The following GRID1 variants were observed in gnomAD, a reference collection of about 807,000 sequenced individuals.
GRID1 encodes the protein glutamate receptor ionotropic, delta-1.
GRID1 carries 28 observed loss-of-function variants against 98.0 expected under a neutral mutation model. The observed-to-expected ratio is 0.29, with a 90% CI of 0.21 to 0.39. The LOEUF (loss-of-function observed/expected upper bound fraction) is 0.39. Ranked by LOEUF, GRID1 falls within the 10% of genes least tolerant of loss-of-function variation. GRID1 has a pLI of 1.00. For missense variants in GRID1, 1,111 were observed against 1,340.5 expected (o/e 0.83, Z 2.67); for synonymous variants, 553 against 538.5 (o/e 1.03, Z -0.37).
intron 4 of GRID1, among the ~76,000 whole-genome samples, chr10:86,075,032 G>A (rs1344562401): frequency 2.0e-5 from 3 of 151,532 alleles, no homozygotes; most frequent in Non-Finnish European, 2.9e-5. Context: ...CAAAAGGAAC[G>A]AGCAAGCTTC....
intron 2 of GRID1, among the ~76,000 whole-genome samples, chr10:86,320,824 G>A (rs1247036905): frequency 2.0e-5 from 3 of 152,138 alleles, no homozygotes; most frequent in Non-Finnish European, 2.9e-5. Context: ...AGAGAGCCGG[G>A]CGCGGTGGCT....
chr10:86,111,695 A>C (rs1372530482), intron 4 of GRID1, among the ~76,000 whole-genome samples: 2 of 152,164 alleles, frequency 1.3e-5, no homozygotes. Context: ...GTTCACATGA[A>C]AGAGGATGAG....
chr10:85,942,330 A>G lies in GRID1; in HGVS notation c.727-26091T>C, dbSNP rs1042768420. On this transcript the variant is annotated intron_variant, in intron 4 of 15. Transcript: ENST00000327946. ...AATTTCTAATCTTCTGATGCTGCCT[A>G]TACCTGGTTCAGAGGATGTTGGTGG... 7.2e-5 allele frequency among the ~76,000 whole-genome samples: 11 copies of G among 152,240 alleles called. No individual in the cohort carries two copies. The South Asian group carries it at 1.0e-3, about 14-fold the overall frequency.
chr10:86,163,249 C>T (rs1845347479), intron 3 of GRID1, among the ~76,000 whole-genome samples: 1 of 152,156 alleles, frequency 6.6e-6, no homozygotes, highest in Admixed American at 6.5e-5. Flanking sequence ...CCTGTGGCTG[C>T]CCTGGGCCAT....
intron 13 of GRID1, among the ~76,000 whole-genome samples, chr10:85,621,924 G>A (rs1227238335): frequency 6.6e-6 from 1 of 152,130 alleles, no homozygotes; most frequent in Non-Finnish European, 1.5e-5. Flanking sequence ...TCACATCCAT[G>A]CTTGCAATTC....
chr10:85,665,488 A>G (rs759219941), intron 12 of GRID1, among the ~76,000 whole-genome samples: 5 of 152,202 alleles, frequency 3.3e-5, no homozygotes, highest in Non-Finnish European at 2.9e-5. Context: ...CTTTACCTAA[A>G]TCAAACATAT....
intron 4 of GRID1, among the ~76,000 whole-genome samples, chr10:86,122,471 G>A (rs536927656): frequency 7.2e-5 from 11 of 152,338 alleles, no homozygotes; most frequent in Non-Finnish European, 1.5e-4. Context: ...CCCCTTATGC[G>A]TAGGAAGAAA....
At chr10:86,119,527 G>A (rs1844635614) in intron 4 of GRID1, among the ~76,000 whole-genome samples, 1 of 152,036 alleles carries the variant, frequency 6.6e-6, no homozygotes, top group Non-Finnish European at 1.5e-5. Context: ...AAAATTTAAA[G>A]TTTATTCAAA....
At chr10:85,676,261 CT>C (rs953389263) in intron 12 of GRID1, among the ~76,000 whole-genome samples, 84 of 152,208 alleles carry the variant, frequency 5.5e-4, no homozygotes, top group Middle Eastern at 3.4e-3. Context: ...CCTGCCTCCC[CT>C]GGAGATGACC....
At chr10:86,271,537 G>A (rs559027379) in intron 2 of GRID1, among the ~76,000 whole-genome samples, 51 of 152,276 alleles carry the variant, frequency 3.3e-4, no homozygotes, top group African/African-American at 1.1e-3. Flanking sequence ...ACTACATGCC[G>A]TATGTTCAAA....
At chr10:86,187,926 G>A (rs978871872) in intron 3 of GRID1, among the ~76,000 whole-genome samples, 4 of 152,200 alleles carry the variant, frequency 2.6e-5, no homozygotes, top group Admixed American at 1.3e-4. Context: ...ATTGATGGAA[G>A]GGAAATAAGT....
At chr10:86,179,437 C>T (rs547261558) in intron 3 of GRID1, among the ~76,000 whole-genome samples, 6 of 152,344 alleles carry the variant, frequency 3.9e-5, no homozygotes, top group African/African-American at 1.2e-4. Context: ...TGGTCCTCCA[C>T]GACCCCAGCA....
intron 8 of GRID1, among the ~76,000 whole-genome samples, chr10:85,829,252 A>T (rs1324181986): frequency 1.3e-5 from 2 of 152,172 alleles, no homozygotes; most frequent in Admixed American, 6.5e-5. Flanking sequence ...AAAATGGAAC[A>T]TTCCTTAATG....
intron 2 of GRID1, among the ~76,000 whole-genome samples, chr10:86,344,603 G>C (rs1158204192): frequency 6.6e-6 from 1 of 152,200 alleles, no homozygotes; most frequent in Non-Finnish European, 1.5e-5. Flanking sequence ...TCCTATACCA[G>C]CCTCTTTTGG....
intron 4 of GRID1, among the ~76,000 whole-genome samples, chr10:86,106,019 T>G (rs986804229): frequency 2.0e-5 from 3 of 152,124 alleles, no homozygotes; most frequent in Non-Finnish European, 4.4e-5. Context: ...CAAAGGAGGA[T>G]GATGATATCC....
At chr10:85,624,092 G>A (rs901634729) in intron 13 of GRID1, among the ~76,000 whole-genome samples, 1 of 152,166 alleles carries the variant, frequency 6.6e-6, no homozygotes, top group Non-Finnish European at 1.5e-5. Context: ...ACTTACAGGT[G>A]GCTGTGGGGA....
At chr10:86,262,684 G>A (rs1311190066) in intron 2 of GRID1, among the ~76,000 whole-genome samples, 1 of 152,210 alleles carries the variant, frequency 6.6e-6, no homozygotes, top group Non-Finnish European at 1.5e-5. Flanking sequence ...TAACTTGCCT[G>A]AAGATCGCCC....
chr10:86,050,979 G>A (rs114993206), intron 4 of GRID1, among the ~76,000 whole-genome samples: 7,981 of 151,598 alleles, frequency 0.053, 258 homozygotes, highest in South Asian at 0.16. Flanking sequence ...TTGGGAGGCT[G>A]AGGCCGGAGA....
intron 4 of GRID1, among the ~76,000 whole-genome samples, chr10:86,131,297 C>A (rs1844833126): frequency 6.6e-6 from 1 of 152,100 alleles, no homozygotes; most frequent in South Asian, 2.1e-4. Flanking sequence ...CAAGGCTGAA[C>A]ACCCTTGGGG....
Sources: gnomAD v4.1 joint callset for allele counts (sites outside exome capture counted in the v4.1 genomes callset) on GRCh38, gnomAD v4.1.1 for gene constraint, MANE v1.5 for transcripts, NCBI Gene and HGNC (gene_info 2026-07-23, HGNC 2026-07-21) for gene names.